Variants in PLEKHG4 observed in about 807,000 individuals in gnomAD.
PLEKHG4 encodes the protein puratrophin-1.
A neutral mutation model predicts 136.9 loss-of-function variants in PLEKHG4; 85 were observed. The ratio of observed to expected loss-of-function variants is 0.62; its 90% CI spans 0.52 to 0.74. PLEKHG4 has a LOEUF of 0.74. PLEKHG4 is among the 30% of genes least tolerant of loss of function. PLEKHG4 has a pLI of 0.00. For synonymous variants in PLEKHG4, 577 were observed against 646.9 expected (o/e 0.89, Z 1.64); for missense variants, 1,317 against 1,527.8 (o/e 0.86, Z 2.30).
rs751822656 is a variant in PLEKHG4, at chr16:67,286,603, T to C, written c.2691T>C (p.Leu897=). The C allele has an allele frequency of 1.6e-5, 25 of 1,561,194 alleles. No homozygotes were observed. The highest frequency in any genetic ancestry group is 2.6e-6 in the Non-Finnish European group (3 of 1,152,122). The change falls in exon 16 of 22, where the codon CTT becomes CTC. Residue 897 remains leucine, a synonymous_variant. Transcript: ENST00000379344. Reference sequence around the variant, plus strand: ...GTGCGCTGCGGGAGGCCCAGAGCCTTGTGCACTTCCAGCTGCGGCACGGAA... The same window carrying C: ...GTGCGCTGCGGGAGGCCCAGAGCCTCGTGCACTTCCAGCTGCGGCACGGAA... The part of the protein sequence containing the change: ...ELSALREAQS[L]VHFQLRHGND...
chr16:67,280,263 C>T lies in PLEKHG4; in HGVS notation c.219C>T (p.Pro73=). Residue 73 remains proline, a synonymous_variant, in exon 2 of 22, where the codon CCC becomes CCT. Transcript: ENST00000379344. The surrounding 1 kb of genome is among the most constrained non-coding windows in gnomAD (Gnocchi z 4.4). ...CCTTGTCCAGGAAATTCCAGTTACC[C>T]CCAGCTGCAGATGAGTCGGGGGATG... is the stretch of plus-strand genomic sequence containing the variant. ...GSPLSRKFQL[P]PAADESGDAQ... is the part of the protein sequence containing the mutation. 1 of 1,613,904 alleles carries T rather than the reference C, an allele frequency of 6.2e-7. No individual in the cohort carries two copies. The highest frequency in any genetic ancestry group is 8.5e-7 in the Non-Finnish European group (1 of 1,180,004).
Position 67,286,554 on chromosome 16 carries a change from G to C in PLEKHG4, c.2642G>C (p.Cys881Ser). ...ALLLQELARA[C>S]GGPTQELSAL... is the part of the protein sequence containing the mutation. ...CTGCTGCAGGAGCTGGCACGGGCCT[G>C]CGGGGGCCCCACGCAGGAGCTCAGT... Residue 881 changes from cysteine (C) to serine (S), a missense_variant, in exon 16 of 22, where the codon TGC (cysteine) becomes TCC (serine). Physicochemically the swap from Cys to Ser is moderately radical, Grantham distance 112. Transcript: ENST00000379344. 1 of 1,567,894 alleles carries C rather than the reference G, an allele frequency of 6.4e-7. No individual in the cohort carries two copies. Among genetic ancestry groups the C allele is most frequent in the East Asian group, 2.4e-5 (1 of 42,078 alleles).
At chr16:67,283,410 A>T (rs150182085) in intron 11 of PLEKHG4, among the ~76,000 whole-genome samples, 3 of 152,128 alleles carry the variant, frequency 2.0e-5, no homozygotes, top group African/African-American at 7.2e-5. Context: ...TCAGATCCAT[A>T]TTCTAGGAAG....
At position 67,280,306 on chromosome 16, in the gene PLEKHG4, G is replaced by A. The variant is rs772313104; in HGVS notation, c.262G>A (p.Glu88Lys). 3.1e-5 allele frequency: 50 copies of A among 1,613,646 alleles called. No individual in the cohort carries two copies. The highest frequency in any genetic ancestry group is 4.1e-5 in the Non-Finnish European group (48 of 1,180,010). ...GGGGGATGCCCAGAGGGGCACAGTA[G>A]AAAGCTCCTCAGTCCTGTCAGAAGG... The part of the protein sequence containing the change: ...ESGDAQRGTV[E>K]SSSVLSEGPG... The change falls in exon 2 of 22, where the codon GAA (glutamate) becomes AAA (lysine). Residue 88 changes from glutamate (E) to lysine (K), a missense_variant. Transcript: ENST00000379344. This position sits in a 1 kb window ranked among gnomAD's most constrained non-coding sequence, Gnocchi z 4.4.
intron 19 of PLEKHG4, 47 bp from the exon 20 acceptor site, chr16:67,288,120 C>T: frequency 6.3e-7 from 1 of 1,577,992 alleles, no homozygotes; most frequent in African/African-American, 1.3e-5. Flanking sequence ...GATCTGGGGC[C>T]AGGCTAGGCT....
intron 11 of PLEKHG4, among the ~76,000 whole-genome samples, chr16:67,283,082 A>C (rs1195465399): frequency 6.6e-6 from 1 of 152,060 alleles, no homozygotes; most frequent in Non-Finnish European, 1.5e-5. Flanking sequence ...TATAACCAAG[A>C]CTTTACCCAG....
chr16:67,287,450 C>T (rs921701952), intron 18 of PLEKHG4: 24 of 549,832 alleles, frequency 4.4e-5, no homozygotes, highest in South Asian at 2.8e-4. Context: ...CCCAGGATGG[C>T]GTGCAGTGGC....
chr16:67,284,444 A>T lies in PLEKHG4; in HGVS notation c.1679A>T (p.Gln560Leu). 6.2e-7 allele frequency: 1 copy of T among 1,613,762 alleles called. No homozygotes were observed. Among genetic ancestry groups the T allele is most frequent in the South Asian group, 1.1e-5 (1 of 91,064 alleles). ...CTGGCGGATGCTGAGAGGCTGTTTC[A>T]GCTCTTCAGGGAGGTGGGTGAGAGT... ...QRLADAERLF[Q>L]LFREALTWAE... The change falls in exon 12 of 22, where the codon CAG becomes CTG. Residue 560 changes from glutamine (Q) to leucine (L), a missense_variant. Transcript: ENST00000379344. This position sits in a 1 kb window ranked among gnomAD's most constrained non-coding sequence, Gnocchi z 4.4.
Position 67,285,360 on chromosome 16 carries a change from G to A in PLEKHG4, c.2266G>A (p.Glu756Lys), listed in dbSNP as rs2036420890. Residue 756 changes from glutamate (E) to lysine (K), a missense_variant, in exon 14 of 22, where the codon GAG becomes AAG. Physicochemically the swap from Glu to Lys is moderately conservative, Grantham distance 56. Coordinates refer to ENST00000379344, the MANE Select transcript of PLEKHG4 (RefSeq NM_001129729.3). Reference sequence around the variant, plus strand: ...TGTCCGGGCTCTAGAGTACACTATGGAGAACTATTTCCCCGAGCTGGATCG... The same window carrying A: ...TGTCCGGGCTCTAGAGTACACTATGAAGAACTATTTCCCCGAGCTGGATCG... ...EYVRALEYTMENYFPELDRPD... is the reference protein window; with the variant it reads ...EYVRALEYTMKNYFPELDRPD... The A allele has an allele frequency of 6.2e-7, 1 of 1,614,230 alleles. No homozygotes were observed. Among genetic ancestry groups the A allele is most frequent in the Non-Finnish European group, 8.5e-7 (1 of 1,180,042 alleles).
rs2036420754 is a variant in PLEKHG4, at chr16:67,285,358, T to C, written c.2264T>C (p.Met755Thr). ...REYVRALEYT[M>T]ENYFPELDRP... The stretch of plus-strand genomic sequence containing the variant: ...TATGTCCGGGCTCTAGAGTACACTA[T>C]GGAGAACTATTTCCCCGAGCTGGAT... Residue 755 changes from methionine to threonine, a missense_variant, in exon 14 of 22, where the codon ATG becomes ACG. Met to Thr is a moderately conservative substitution (Grantham distance 81). Transcript: ENST00000379344. 6.2e-7 allele frequency: 1 copy of C among 1,614,202 alleles called. No homozygotes were observed. The highest frequency in any genetic ancestry group is 1.1e-5 in the South Asian group (1 of 91,088).
rs915043057 is a variant in PLEKHG4 at position 67,279,753 on chromosome 16, C to T, written c.-169-123C>T. The T allele has an allele frequency of 1.4e-4, 49 of 352,074 alleles. 1 individual carries two copies. The highest frequency in any genetic ancestry group is 3.7e-5 in the Non-Finnish European group (7 of 191,138). The allele number at this position is 352,074 out of a possible 1,614,324, so 21.8% of individuals were successfully genotyped here. On this transcript the variant is annotated intron_variant, in intron 1 of 21. Coordinates refer to ENST00000379344, the MANE Select transcript of PLEKHG4 (RefSeq NM_001129729.3). ...GCCATGGCGGGGCCGCCCCCACGGG[C>T]ATGGGCCTGCAGAGCGTGGCCGTGA...
intron 14 of PLEKHG4, among the ~76,000 whole-genome samples, chr16:67,285,881 G>T (rs2036446411): frequency 6.6e-6 from 1 of 152,196 alleles, no homozygotes; most frequent in Non-Finnish European, 1.5e-5. Flanking sequence ...TAGGGGAGGG[G>T]CTGGAGTGAG....
Position 67,286,376 on chromosome 16 carries a change from G to C in PLEKHG4, c.2532+13G>C, listed in dbSNP as rs189532912. The stretch of plus-strand genomic sequence containing the variant: ...CACCTTCTTCAAGGTAAGTGAACCT[G>C]AGATTAGGAGGAGTAGGGGATGCGG... On this transcript the variant is annotated intron_variant, in intron 15 of 21. Transcript: ENST00000379344. 107 of 1,612,162 alleles carry C rather than the reference G, an allele frequency of 6.6e-5. 1 individual carries two copies. In the African/African-American group the frequency reaches 1.1e-3, roughly 17 times the overall value.
In PLEKHG4 at chr16:67,280,196, C is replaced by T. The variant is rs1191468172; in HGVS notation, c.152C>T (p.Pro51Leu). 6.2e-7 allele frequency: 1 copy of T among 1,613,786 alleles called. No individual in the cohort carries two copies. Among genetic ancestry groups the T allele is most frequent in the Admixed American group, 1.7e-5 (1 of 60,010 alleles). ...MHVKDPGPPRPPAGATQDEEL... is the reference protein window; with the variant it reads ...MHVKDPGPPRLPAGATQDEEL... Reference sequence around the variant, plus strand: ...GTTAAGGACCCAGGTCCTCCAAGACCACCAGCCGGGGCCACCCAGGATGAG... The same window carrying T: ...GTTAAGGACCCAGGTCCTCCAAGACTACCAGCCGGGGCCACCCAGGATGAG... The change falls in exon 2 of 22, where the codon CCA becomes CTA. Residue 51 changes from proline to leucine, a missense_variant. Coordinates refer to ENST00000379344, the MANE Select transcript of PLEKHG4 (RefSeq NM_001129729.3). This position sits in a 1 kb window ranked among gnomAD's most constrained non-coding sequence, Gnocchi z 4.4.
upstream of PLEKHG4, chr16:67,278,710 C>A (rs1448306136): frequency 1.3e-5 from 2 of 152,172 alleles, no homozygotes; most frequent in Non-Finnish European, 2.9e-5. Context: ...CACGGCAACC[C>A]CAGGAGAAAA....
At position 67,286,287 on chromosome 16, in the gene PLEKHG4, G is replaced by C. The variant is rs2036462365; in HGVS notation, c.2456G>C (p.Gly819Ala). Reference protein sequence around the residue: ...YAFLRHRVQFGMYALYSKNKP... With the variant: ...YAFLRHRVQFAMYALYSKNKP... ...ATGTCCTTGTAGAGGGTGCAGTTTGGGATGTACGCGCTCTACAGCAAGAAT... is the reference window on the plus strand; with the variant it reads ...ATGTCCTTGTAGAGGGTGCAGTTTGCGATGTACGCGCTCTACAGCAAGAAT... The change falls in exon 15 of 22, where the codon GGG becomes GCG. Residue 819 changes from glycine to alanine, a missense_variant. Physicochemically the swap from Gly to Ala is moderately conservative, Grantham distance 60. Transcript: ENST00000379344. 1.2e-6 allele frequency: 2 copies of C among 1,613,086 alleles called. No homozygotes were observed. Among genetic ancestry groups the C allele is most frequent in the African/African-American group, 1.3e-5 (1 of 74,868 alleles).
Position 67,285,085 on chromosome 16 carries a change from C to G in PLEKHG4, c.2065C>G (p.Pro689Ala). The change falls in exon 13 of 22, where the codon CCT becomes GCT. Residue 689 changes from proline (P) to alanine (A), a missense_variant. Physicochemically the swap from Pro to Ala is conservative, Grantham distance 27 (BLOSUM62 -1). Transcript: ENST00000379344. ...DRNLGQSLSE[P>A]ACHCHHAATI... is the part of the protein sequence containing the mutation. ...GAATCTGGGGCAGAGTCTCAGTGAA[C>G]CTGCCTGCCACTGCCACCATGCGGC... is the stretch of plus-strand genomic sequence containing the variant. 3 of 1,613,376 alleles carry G rather than the reference C, an allele frequency of 1.9e-6. No homozygotes were observed. The highest frequency in any genetic ancestry group is 1.3e-5 in the African/African-American group (1 of 75,068).
intron 11 of PLEKHG4, among the ~76,000 whole-genome samples, chr16:67,283,130 A>G (rs2036308439): frequency 6.6e-6 from 1 of 151,980 alleles, no homozygotes; most frequent in Non-Finnish European, 1.5e-5. Context: ...GTGATTTTTG[A>G]GCTGAGAGTT....
In PLEKHG4 at chr16:67,288,997, T is replaced by C; in HGVS notation, c.*189T>C. ...CTGGCACGGGGCCTCTCTAGGGAAG[T>C]CTGGTTGTAGAGCCTGAATAGGCTC... is the stretch of plus-strand genomic sequence containing the variant. On this transcript the variant is annotated 3_prime_UTR_variant, in exon 22 of 22. Transcript: ENST00000379344. 4.2e-6 allele frequency: 3 copies of C among 713,130 alleles called. No homozygotes were observed. The South Asian group carries it at 4.8e-5, about 11-fold the overall frequency. The allele number at this position is 713,130 out of a possible 1,614,324, so 44.2% of individuals were successfully genotyped here. A position where few individuals can be genotyped will look rare whatever the true frequency, so the allele number is the denominator to read the frequency against.
Sources: allele counts gnomAD v4.1 joint callset (sites outside exome capture counted in the v4.1 genomes callset), GRCh38; gene constraint gnomAD v4.1.1; non-coding constraint Gnocchi (gnomAD v3.1); transcripts MANE v1.5; gene names NCBI Gene and HGNC (gene_info 2026-07-23, HGNC 2026-07-21).